Variants in CDC23 observed in about 807,000 individuals in gnomAD.
CDC23 encodes cell division cycle protein 23 homolog.
CDC23 carries 26 observed loss-of-function variants against 81.7 expected under a neutral mutation model. The ratio of observed to expected loss-of-function variants is 0.32; its 90% confidence interval spans 0.23 to 0.44. The LOEUF (loss-of-function observed/expected upper bound fraction) is 0.44, where lower values mean the gene tolerates loss of function less well. CDC23 is among the 20% of genes least tolerant of loss of function. CDC23 has a pLI of 1.00. For missense variants in CDC23, 519 were observed against 728.0 expected, an observed-to-expected ratio of 0.71 and a Z score of 3.30; for synonymous variants, 267 against 270.8, an observed-to-expected ratio of 0.99 and a Z score of 0.14.
intron 3 of CDC23, among the ~76,000 whole-genome samples, chr5:138,204,643 G>T (rs1157534140): frequency 1.1e-5 from 1 of 89,140 alleles, no homozygotes; most frequent in African/African-American, 3.7e-5. Context: ...TTTTGGAGAC[G>T]GAGTCTCACT....
At chr5:138,193,652 T>C (rs1400952489) in intron 9 of CDC23, among the ~76,000 whole-genome samples, 1 of 145,636 alleles carries the variant, frequency 6.9e-6, no homozygotes, top group African/African-American at 2.5e-5. Context: ...AACAGGTACC[T>C]CAAGGGTTAA....
At chr5:138,193,551 G>C (rs749856825) in intron 9 of CDC23, among the ~76,000 whole-genome samples, 1 of 151,620 alleles carries the variant, frequency 6.6e-6, no homozygotes, top group Non-Finnish European at 1.5e-5. Context: ...AGCTGAGATC[G>C]TGCCACTGCA....
chr5:138,197,716 C>T (rs1472071325), intron 9 of CDC23, among the ~76,000 whole-genome samples: 1 of 151,352 alleles, frequency 6.6e-6, no homozygotes, highest in East Asian at 1.9e-4. Context: ...AGGCTGGTCT[C>T]GAATACCTCA....
In CDC23 at chr5:138,213,246, T is replaced by C; in HGVS notation, c.67A>G (p.Asn23Asp). ...TCCCGCAAATCTGAGAAATCGCTGT[T>C]TATGGACAGGACAGGCGCCACTGCC... ...TAAVAPVLSI[N>D]SDFSDLREIK... Residue 23 changes from asparagine (N) to aspartate (D), a missense_variant, in exon 1 of 16, where the codon AAC becomes GAC. Coordinates refer to ENST00000394886, the MANE Select transcript of CDC23 (RefSeq NM_004661.4). 1.2e-6 allele frequency: 2 copies of C among 1,614,094 alleles called. No homozygotes were observed. The highest frequency in any genetic ancestry group is 1.7e-6 in the Non-Finnish European group (2 of 1,180,034).
intron 6 of CDC23, 91 bp downstream of exon 6, chr5:138,201,016 G>A: frequency 8.4e-6 from 12 of 1,428,378 alleles, no homozygotes; most frequent in Non-Finnish European, 1.1e-5. Flanking sequence ...TATAACCAAA[G>A]CCCTGCCAAA....
intron 13 of CDC23, among the ~76,000 whole-genome samples, chr5:138,190,735 C>T (rs764014764): frequency 6.6e-5 from 10 of 151,662 alleles, no homozygotes; most frequent in South Asian, 2.1e-4. Context: ...AGCAAGACTC[C>T]GTCTCAAAAA....
intron 2 of CDC23, among the ~76,000 whole-genome samples, chr5:138,207,348 G>A (rs945990265): frequency 6.6e-6 from 1 of 152,044 alleles, no homozygotes; most frequent in Non-Finnish European, 1.5e-5. Context: ...TGATTTCCTG[G>A]TTTCAGGACA....
chr5:138,204,060 C>G (rs2126587479), intron 3 of CDC23, among the ~76,000 whole-genome samples: 1 of 152,218 alleles, frequency 6.6e-6, no homozygotes, highest in African/African-American at 2.4e-5. Flanking sequence ...CAAATTAAAG[C>G]ATTTGGGGTA....
chr5:138,188,996 C>T lies in CDC23; in HGVS notation c.1776G>A (p.Leu592=). ...TPTRRVSPLN[L]SSVTP ...TAGCCAACTATGGCGTGACAGAAGA[C>T]AAGTTGAGTGGAGAAACTCTGCGTG... The change falls in exon 16 of 16, where the codon TTG becomes TTA. Residue 592 remains leucine, a synonymous_variant. Coordinates refer to ENST00000394886, the MANE Select transcript of CDC23 (RefSeq NM_004661.4). 2 of 1,613,836 alleles carry T rather than the reference C, an allele frequency of 1.2e-6. No homozygotes were observed. The highest frequency in any genetic ancestry group is 1.7e-6 in the Non-Finnish European group (2 of 1,179,886).
intron 9 of CDC23, among the ~76,000 whole-genome samples, chr5:138,196,295 ATT>A (rs771448189): frequency 1.4e-5 from 2 of 143,672 alleles, no homozygotes; most frequent in African/African-American, 5.1e-5. Flanking sequence ...ATATATATTG[ATT>A]TTTTTTTTTT....
At chr5:138,204,714 G>C (rs549834458) in intron 3 of CDC23, among the ~76,000 whole-genome samples, 10 of 151,016 alleles carry the variant, frequency 6.6e-5, no homozygotes, top group African/African-American at 2.4e-4. Context: ...CCACCTTCCG[G>C]GTTCACGCCA....
At position 138,212,901 on chromosome 5, in the gene CDC23, G is replaced by A. The variant is rs574051952; in HGVS notation, c.234+90C>T. Reference sequence around the variant, plus strand: ...CCTCTACAAACATTTCTGCTAAGCAGTTTGCTCTCCTCCAGTGACAGGGCA... The same window carrying A: ...CCTCTACAAACATTTCTGCTAAGCAATTTGCTCTCCTCCAGTGACAGGGCA... On this transcript the variant is annotated intron_variant, in intron 2 of 15. Transcript: ENST00000394886. The A allele has an allele frequency of 1.7e-5, 17 of 1,010,252 alleles. No homozygotes were observed. In the African/African-American group the frequency reaches 2.1e-4, roughly 12 times the overall value. 62.6% of individuals were successfully genotyped at this position (1,010,252 alleles called of 1,614,324 possible).
At position 138,194,824 on chromosome 5, in the gene CDC23, C is replaced by T. The variant is rs187208363; in HGVS notation, c.1013-2167G>A. On this transcript the variant is annotated intron_variant, in intron 9 of 15. Coordinates refer to ENST00000394886, the MANE Select transcript of CDC23 (RefSeq NM_004661.4). Reference sequence around the variant, plus strand: ...GCACCCTCCGCCTCCCGGATTCTAGCGATTCTCCTGCCTCAGTCTCCTGAG... The same window carrying T: ...GCACCCTCCGCCTCCCGGATTCTAGTGATTCTCCTGCCTCAGTCTCCTGAG... Among the ~76,000 whole-genome samples, 555 of 149,742 alleles carry T rather than the reference C, an allele frequency of 3.7e-3. 3 individuals are homozygous for T. The highest frequency in any genetic ancestry group is 0.013 in the African/African-American group (528 of 40,676).
At chr5:138,191,398 G>A (rs1401107098) in intron 13 of CDC23, 76 bp downstream of exon 13, 2 of 1,191,816 alleles carry the variant, frequency 1.7e-6, no homozygotes, top group African/African-American at 3.0e-5. Flanking sequence ...TGTATGGGAG[G>A]CTCTAGACCA....
At chr5:138,199,287 T>C (rs1754959354) in intron 6 of CDC23, among the ~76,000 whole-genome samples, 3 of 152,060 alleles carry the variant, frequency 2.0e-5, no homozygotes, top group South Asian at 4.2e-4. Context: ...CATGATGACA[T>C]GGGAGCTTTA....
chr5:138,202,533 C>A (rs1485844188), intron 3 of CDC23, among the ~76,000 whole-genome samples: 1 of 152,242 alleles, frequency 6.6e-6, no homozygotes, highest in Non-Finnish European at 1.5e-5. Context: ...ATTTGCCCAC[C>A]TTGGCCTCCC....
At chr5:138,211,103 A>T (rs1755107344) in intron 2 of CDC23, among the ~76,000 whole-genome samples, 1 of 152,236 alleles carries the variant, frequency 6.6e-6, no homozygotes, top group Admixed American at 6.5e-5. Flanking sequence ...AATGGCAAAG[A>T]CATGGAATCA....
chr5:138,195,746 T>C, intron 9 of CDC23, among the ~76,000 whole-genome samples: 1 of 119,304 alleles, frequency 8.4e-6, no homozygotes, highest in South Asian at 2.3e-4. Context: ...ATAATATATA[T>C]GTATATATAT....
intron 2 of CDC23, 95 bp downstream of exon 2, chr5:138,212,895 TA>T: frequency 1.1e-6 from 1 of 930,368 alleles, no homozygotes; most frequent in Non-Finnish European, 1.8e-6. Flanking sequence ...ACATTTCTGC[TA>T]AGCAGTTTGC....
Sources: allele counts gnomAD v4.1 joint callset (sites outside exome capture counted in the v4.1 genomes callset), GRCh38; gene constraint gnomAD v4.1.1; transcripts MANE v1.5; gene names NCBI Gene and HGNC (gene_info 2026-07-23, HGNC 2026-07-21).